Variants in PCDHGA2 observed in about 807,000 individuals in gnomAD.
PCDHGA2 encodes protocadherin gamma subfamily A, 2.
Under a neutral mutation model 59.2 loss-of-function variants are expected in PCDHGA2, and 40 were observed. That is an observed-to-expected ratio of 0.68 (90% CI 0.52 to 0.88). The LOEUF is 0.88. PCDHGA2 is among the 40% of genes least tolerant of loss of function. The probability of loss-of-function intolerance (pLI) is 0.00; values close to 1 mark genes in which losing one functional copy is unlikely to be tolerated. For missense variants in PCDHGA2, 1,226 were observed against 1,204.0 expected, an observed-to-expected ratio of 1.02 and a Z score of -0.27; for synonymous variants, 560 against 526.0, an observed-to-expected ratio of 1.06 and a Z score of -0.89.
At chr5:141,394,530 A>C in intron 1 of PCDHGA2, 1 of 1,614,140 alleles carries the variant, frequency 6.2e-7, no homozygotes, top group African/African-American at 1.3e-5. Flanking sequence ...AGACGGTTCC[A>C]CTGGCGTGGA....
chr5:141,510,307 G>C (rs1250172295), intron 3 of PCDHGA2, among the ~76,000 whole-genome samples: 1 of 151,446 alleles, frequency 6.6e-6, no homozygotes, highest in African/African-American at 2.4e-5. Context: ...TTTTGAAATG[G>C]AGGCTTGGAA....
At chr5:141,419,452 G>T (rs1590172506) in intron 1 of PCDHGA2, 1 of 1,612,754 alleles carries the variant, frequency 6.2e-7, no homozygotes, top group Non-Finnish European at 8.5e-7. Flanking sequence ...TCGAGCTCAC[G>T]CTGCAGGCCC....
intron 1 of PCDHGA2, chr5:141,376,469 G>A: frequency 6.2e-7 from 1 of 1,614,186 alleles, no homozygotes; most frequent in Non-Finnish European, 8.5e-7. Flanking sequence ...GATAACTCAG[G>A]ATTTACTTGA....
chr5:141,389,339 C>G, intron 1 of PCDHGA2: 2 of 1,614,010 alleles, frequency 1.2e-6, no homozygotes, highest in Middle Eastern at 1.6e-4. Flanking sequence ...ACGGCCAAGT[C>G]TCTTACTGCA....
At position 141,340,948 on chromosome 5, in the gene PCDHGA2, G is replaced by A. The variant is rs368068750; in HGVS notation, c.1977G>A (p.Thr659=). The A allele has an allele frequency of 1.2e-6, 2 of 1,613,692 alleles. No individual in the cohort carries two copies. Among genetic ancestry groups the A allele is most frequent in the African/African-American group, 1.3e-5 (1 of 74,926 alleles). Residue 659 remains threonine, a synonymous_variant, in exon 1 of 4, where the codon ACG becomes ACA. Transcript: ENST00000394576. ...AGCCCCCTCTCTCCGCCACTGTCAC[G>A]CTCACCGTGGCCGTGGCCGACAGGA... ...HGQPPLSATV[T]LTVAVADRIP...
intron 1 of PCDHGA2, among the ~76,000 whole-genome samples, chr5:141,373,364 G>A (rs576808182): frequency 3.3e-5 from 5 of 152,214 alleles, no homozygotes; most frequent in Non-Finnish European, 7.3e-5. Flanking sequence ...GCACTGTAAT[G>A]AATTGGTTCA....
intron 1 of PCDHGA2, among the ~76,000 whole-genome samples, chr5:141,443,727 A>T: frequency 6.6e-6 from 1 of 152,220 alleles, no homozygotes; most frequent in Non-Finnish European, 1.5e-5. Context: ...AATTCCTCAT[A>T]CATTTCCCTA....
At chr5:141,414,220 C>T in intron 1 of PCDHGA2, 1 of 1,613,094 alleles carries the variant, frequency 6.2e-7, no homozygotes, top group Non-Finnish European at 8.5e-7. Flanking sequence ...TGACAACAGT[C>T]CAGAGCTGAC....
intron 1 of PCDHGA2, chr5:141,419,783 C>A: frequency 1.2e-6 from 2 of 1,614,070 alleles, no homozygotes; most frequent in Non-Finnish European, 1.7e-6. Context: ...CCGCCAGCGC[C>A]TGCTAGTCGC....
intron 1 of PCDHGA2, chr5:141,350,225 T>A: frequency 6.7e-7 from 1 of 1,498,610 alleles, no homozygotes; most frequent in Non-Finnish European, 8.9e-7. Context: ...TTGAAAAACA[T>A]CCCAGAGGAA....
intron 1 of PCDHGA2, chr5:141,375,721 G>T (rs1194190814): frequency 6.2e-7 from 1 of 1,614,266 alleles, no homozygotes; most frequent in South Asian, 1.1e-5. Context: ...GCAGCAACGT[G>T]TCACTGAGCC....
intron 1 of PCDHGA2, chr5:141,362,277 C>G (rs1762415118): frequency 6.2e-7 from 1 of 1,614,048 alleles, no homozygotes; most frequent in Non-Finnish European, 8.5e-7. Context: ...TCTCCCTGCG[C>G]CTGCGACTCT....
intron 1 of PCDHGA2, chr5:141,404,152 T>C (rs769503668): frequency 1.9e-5 from 31 of 1,612,848 alleles, no homozygotes; most frequent in Non-Finnish European, 2.0e-5. Flanking sequence ...CAGAAGAAGA[T>C]TATTACAGAT....
intron 1 of PCDHGA2, chr5:141,382,822 A>C: frequency 7.6e-7 from 1 of 1,310,696 alleles, no homozygotes; most frequent in Non-Finnish European, 1.1e-6. Context: ...TTCCTAAGAC[A>C]GAGGGGTCCA....
chr5:141,349,089 G>C (rs1452300075), intron 1 of PCDHGA2, among the ~76,000 whole-genome samples: 2 of 152,104 alleles, frequency 1.3e-5, no homozygotes, highest in African/African-American at 4.8e-5. Context: ...GAATGTTTTT[G>C]AGACAGAGTC....
intron 1 of PCDHGA2, chr5:141,430,854 G>A (rs140440273): frequency 5.0e-6 from 8 of 1,587,648 alleles, no homozygotes; most frequent in Middle Eastern, 1.7e-4. Flanking sequence ...ACCCAGATAC[G>A]CTATTCAGTT....
intron 1 of PCDHGA2, chr5:141,366,871 G>C: frequency 1.4e-6 from 2 of 1,404,144 alleles, no homozygotes; most frequent in African/African-American, 1.4e-5. Flanking sequence ...TGCTGTATTG[G>C]AGATTAATTT....
Position 141,356,825 on chromosome 5 carries a change from T to A in PCDHGA2, c.2424+15430T>A, listed in dbSNP as rs573413184. 3.1e-6 allele frequency: 5 copies of A among 1,614,132 alleles called. No homozygotes were observed. The East Asian group carries it at 8.9e-5, about 29-fold the overall frequency. On this transcript the variant is annotated intron_variant, in intron 1 of 3. Transcript: ENST00000394576. Reference sequence around the variant, plus strand: ...GCCAGTGACAGTGGAGACCCTCCACTCAGCAGCAATGTGTCACTGAGCCTC... The same window carrying A: ...GCCAGTGACAGTGGAGACCCTCCACACAGCAGCAATGTGTCACTGAGCCTC...
chr5:141,427,494 A>G (rs1220750249), intron 1 of PCDHGA2: 1 of 560,916 alleles, frequency 1.8e-6, no homozygotes, highest in Non-Finnish European at 3.4e-6. Context: ...TAAGCTTGTA[A>G]CAGATGGGAC....
Sources: gnomAD v4.1 joint callset for allele counts (sites outside exome capture counted in the v4.1 genomes callset) on GRCh38, gnomAD v4.1.1 for gene constraint, MANE v1.5 for transcripts, NCBI Gene and HGNC (gene_info 2026-07-23, HGNC 2026-07-21) for gene names.